Variants in GLB1 observed in about 807,000 individuals in gnomAD.
The protein encoded by GLB1 is galactosidase beta 1.
Under a neutral mutation model 74.0 loss-of-function variants are expected in GLB1, and 56 were observed. The observed-to-expected ratio is 0.76, with a 90% CI of 0.61 to 0.94. The LOEUF is 0.94. GLB1 is among the 40% of genes least tolerant of loss of function. The pLI is 0.00. For synonymous variants in GLB1, 323 were observed against 323.6 expected (o/e 1.00, Z 0.02); for missense variants, 787 against 845.5 (o/e 0.93, Z 0.86).
At chr3:33,077,862 T>C (rs1315573024) in intron 1 of GLB1, among the ~76,000 whole-genome samples, 1 of 151,798 alleles carries the variant, frequency 6.6e-6, no homozygotes, top group Non-Finnish European at 1.5e-5. Flanking sequence ...AAAAAAAACA[T>C]AAAAATCCTT....
At chr3:33,039,185 G>T (rs1207157638) in intron 10 of GLB1, among the ~76,000 whole-genome samples, 1 of 151,502 alleles carries the variant, frequency 6.6e-6, no homozygotes, top group Admixed American at 6.6e-5. Context: ...AGCTACTCAG[G>T]AGGCTGAGGC....
chr3:33,093,018 T>A lies in GLB1; in HGVS notation c.75+3993A>T. The A allele has an allele frequency of 6.2e-7, 1 of 1,614,166 alleles. No homozygotes were observed. Among genetic ancestry groups the A allele is most frequent in the Non-Finnish European group, 8.5e-7 (1 of 1,180,016 alleles). ...GTTCAAGGGGAAGATCTGCCCAGCA[T>A]GTGTGTGCCCAGAAAGGATCAGGTT... On this transcript the variant is annotated intron_variant, in intron 1 of 15. Coordinates refer to ENST00000307363, the MANE Select transcript of GLB1 (RefSeq NM_000404.4). This position sits in a 1 kb window ranked among gnomAD's most constrained non-coding sequence, Gnocchi z 6.0.
At chr3:33,071,007 CA>C (rs1699868538) in intron 2 of GLB1, among the ~76,000 whole-genome samples, 1 of 152,122 alleles carries the variant, frequency 6.6e-6, no homozygotes, top group African/African-American at 2.4e-5. Flanking sequence ...GATCCTCTGA[CA>C]AAAGATTTTG....
At chr3:33,021,888 A>G (rs1411740651) in intron 11 of GLB1, among the ~76,000 whole-genome samples, 1 of 152,220 alleles carries the variant, frequency 6.6e-6, no homozygotes, top group African/African-American at 2.4e-5. Flanking sequence ...GGTTTCAAAC[A>G]TACCTATTCG....
chr3:32,999,375 C>T (rs777983487), intron 15 of GLB1, among the ~76,000 whole-genome samples: 5 of 152,138 alleles, frequency 3.3e-5, no homozygotes, highest in South Asian at 2.1e-4. Context: ...GAGGGCATTA[C>T]GAGCAGCAGC....
At chr3:33,035,261 AT>A (rs975860045) in intron 10 of GLB1, among the ~76,000 whole-genome samples, 5 of 152,206 alleles carry the variant, frequency 3.3e-5, no homozygotes, top group Admixed American at 6.5e-5. Flanking sequence ...GGGAGACTCC[AT>A]CGCTACAAAA....
intron 15 of GLB1, among the ~76,000 whole-genome samples, chr3:33,005,993 T>C (rs555696545): frequency 6.6e-6 from 1 of 152,322 alleles, no homozygotes; most frequent in Admixed American, 6.5e-5. Context: ...TAAGGAAAAA[T>C]GGACACTATC....
chr3:32,993,579 G>A (rs969750046), downstream of GLB1, among the ~76,000 whole-genome samples: 7 of 134,888 alleles, frequency 5.2e-5, no homozygotes, highest in Admixed American at 3.3e-4. Context: ...TTGTCACCCG[G>A]GCTGGAGTAC....
intron 10 of GLB1, among the ~76,000 whole-genome samples, chr3:33,039,165 C>A (rs1190215849): frequency 6.6e-6 from 1 of 151,826 alleles, no homozygotes; most frequent in East Asian, 1.9e-4. Context: ...TGGTGCACAG[C>A]TGTAATCCCA....
intron 1 of GLB1, 63 bp downstream of exon 1, chr3:33,096,948 C>A (rs1701057795): frequency 2.5e-6 from 4 of 1,579,320 alleles, no homozygotes; most frequent in Admixed American, 3.6e-5. Context: ...GCGACCCCAG[C>A]CCGGTTCCCC....
chr3:32,967,160 G>A, the GLB1 span, among the ~76,000 whole-genome samples: 1 of 152,174 alleles, frequency 6.6e-6, no homozygotes, highest in African/African-American at 2.4e-5. Flanking sequence ...AAATAAAAGG[G>A]ATAGAGATTG....
intron 10 of GLB1, among the ~76,000 whole-genome samples, chr3:33,033,530 C>T (rs1203966711): frequency 6.6e-6 from 1 of 152,118 alleles, no homozygotes; most frequent in East Asian, 1.9e-4. Context: ...CGCCTGTAAT[C>T]CCAACACTTT....
chr3:32,990,270 T>C, the GLB1 span, among the ~76,000 whole-genome samples: 1 of 152,120 alleles, frequency 6.6e-6, no homozygotes, highest in Admixed American at 6.6e-5. Context: ...CTGGCTCAAC[T>C]CCAGGAAGCC....
chr3:33,069,928 AGTACAC>A (rs1280205693), intron 2 of GLB1, among the ~76,000 whole-genome samples: 2 of 151,970 alleles, frequency 1.3e-5, no homozygotes, highest in African/African-American at 4.8e-5. Context: ...TAATCTGCCT[AGTACAC>A]GATAGGGGAA....
intron 1 of GLB1, among the ~76,000 whole-genome samples, chr3:33,079,838 G>A (rs569855910): frequency 6.6e-4 from 100 of 152,238 alleles, no homozygotes; most frequent in African/African-American, 2.4e-3. Flanking sequence ...CTGGAGTGCA[G>A]CAGCATGATC....
intron 1 of GLB1, among the ~76,000 whole-genome samples, chr3:33,083,461 G>A (rs1700396942): frequency 6.6e-6 from 1 of 151,532 alleles, no homozygotes; most frequent in African/African-American, 2.4e-5. Context: ...GACAGAGAGA[G>A]AGAAAACTGC....
At chr3:33,072,098 C>T (rs766688850) in intron 2 of GLB1, among the ~76,000 whole-genome samples, 5 of 152,200 alleles carry the variant, frequency 3.3e-5, no homozygotes, top group Admixed American at 6.5e-5. Flanking sequence ...TACAGCCATA[C>T]CTGTGCTACA....
Position 33,056,298 on chromosome 3 carries a change from C to G in GLB1, c.733+1791G>C, listed in dbSNP as rs569046093. On this transcript the variant is annotated intron_variant, in intron 6 of 15. Transcript: ENST00000307363. ...TTCCTCATTTCAGTCTTCTGTACAT[C>G]CCTCTTAAGAGAGGCAAACATTGGC... 2.7e-5 allele frequency among the ~76,000 whole-genome samples: 4 copies of G among 150,882 alleles called. No homozygotes were observed. In the East Asian group the frequency reaches 7.8e-4, roughly 29 times the overall value.
chr3:33,041,126 A>G (rs1298795053), intron 10 of GLB1, among the ~76,000 whole-genome samples: 1 of 152,224 alleles, frequency 6.6e-6, no homozygotes, highest in East Asian at 1.9e-4. Context: ...GGACTAGTGA[A>G]AAAAGATACC....
Sources: allele counts gnomAD v4.1 joint callset (sites outside exome capture counted in the v4.1 genomes callset), GRCh38; gene constraint gnomAD v4.1.1; non-coding constraint Gnocchi (gnomAD v3.1); transcripts MANE v1.5; gene names NCBI Gene and HGNC (gene_info 2026-07-23, HGNC 2026-07-21).